The following CFHR2 variants were observed in gnomAD, a reference collection of about 807,000 sequenced individuals.
CFHR2 encodes complement factor H-related protein 2.
CFHR2 carries 22 observed loss-of-function variants against 21.7 expected under a neutral mutation model. The observed-to-expected ratio is 1.01, with a 90% CI of 0.72 to 1.45. The LOEUF is 1.45. CFHR2 is among the 40% of genes most tolerant of loss of function. The probability of loss-of-function intolerance (pLI) is 0.00; values close to 1 mark genes in which losing one functional copy is unlikely to be tolerated. For synonymous variants in CFHR2, 98 were observed against 97.4 expected (o/e 1.01, Z -0.04); for missense variants, 294 against 293.3 (o/e 1.00, Z -0.02).
intron 3 of CFHR2, among the ~76,000 whole-genome samples, chr1:196,954,805 G>C (rs1490243462): frequency 6.6e-6 from 1 of 152,208 alleles, no homozygotes; most frequent in Non-Finnish European, 1.5e-5. Flanking sequence ...ATTTAGCCAC[G>C]GCTGGAGCTG....
intron 3 of CFHR2, among the ~76,000 whole-genome samples, chr1:196,951,866 A>G (rs2125009221): frequency 6.6e-6 from 1 of 152,278 alleles, no homozygotes; most frequent in African/African-American, 2.4e-5. Flanking sequence ...AAGGCCTGTC[A>G]GCAAACAGAT....
chr1:196,952,990 C>A (rs146282373), intron 3 of CFHR2, among the ~76,000 whole-genome samples: 4 of 152,104 alleles, frequency 2.6e-5, no homozygotes. Context: ...AAGAATTTAG[C>A]GGAACACTCT....
At chr1:196,958,205 T>C in intron 4 of CFHR2, 132 bp downstream of exon 4, 1 of 736,364 alleles carries the variant, frequency 1.4e-6, no homozygotes, top group Non-Finnish European at 2.0e-6. Flanking sequence ...CAAATGTCTA[T>C]ATGATAGAAT....
Position 196,958,962 on chromosome 1 carries a change from G to A in CFHR2, c.695G>A (p.Arg232Lys). Reference protein sequence around the residue: ...KWTNQQKLYSRTGDIVEFVCK... With the variant: ...KWTNQQKLYSKTGDIVEFVCK... ...ACAAACCAACAAAAGCTTTATTCAA[G>A]AACAGGTGACATAGTTGAATTTGTT... Residue 232 changes from arginine to lysine, a missense_variant, in exon 5 of 5, where the codon AGA (arginine) becomes AAA (lysine). Arg to Lys is a conservative substitution (Grantham distance 26). Coordinates refer to ENST00000367415, the MANE Select transcript of CFHR2 (RefSeq NM_005666.4). 1 of 1,608,400 alleles carries A rather than the reference G, an allele frequency of 6.2e-7. No individual in the cohort carries two copies. The highest frequency in any genetic ancestry group is 1.7e-5 in the Admixed American group (1 of 59,832).
In CFHR2 at chr1:196,959,503, T is replaced by A. The variant is rs1231093985; in HGVS notation, c.*423T>A. On this transcript the variant is annotated 3_prime_UTR_variant, in exon 5 of 5. Coordinates refer to ENST00000367415, the MANE Select transcript of CFHR2 (RefSeq NM_005666.4). ...GTATATTACTGGTAACTGAAGGAAT[T>A]ATATCTAGACGTTACCCCAGGTATC... Among the ~76,000 whole-genome samples, 1 of 152,024 alleles carries A rather than the reference T, an allele frequency of 6.6e-6. No homozygotes were observed. Among genetic ancestry groups the A allele is most frequent in the Non-Finnish European group, 1.5e-5 (1 of 67,928 alleles).
intron 3 of CFHR2, 72 bp from the exon 4 acceptor site, chr1:196,957,819 T>A (rs1652951005): frequency 7.4e-7 from 1 of 1,360,156 alleles, no homozygotes; most frequent in African/African-American, 1.4e-5. Flanking sequence ...ATAAAGTGCC[T>A]TGTTTGCATT....
At chr1:196,954,700 C>T (rs1044141406) in intron 3 of CFHR2, among the ~76,000 whole-genome samples, 4 of 152,182 alleles carry the variant, frequency 2.6e-5, no homozygotes, top group African/African-American at 9.7e-5. Context: ...CAAATCTTGT[C>T]TTCTGTGCAC....
chr1:196,949,149 C>T (rs1659628892), intron 1 of CFHR2, among the ~76,000 whole-genome samples: 1 of 152,198 alleles, frequency 6.6e-6, no homozygotes, highest in Non-Finnish European at 1.5e-5. Context: ...GCTAGTCTTA[C>T]ACTCTGCCTT....
chr1:196,950,311 G>A (rs1452803761), intron 2 of CFHR2, among the ~76,000 whole-genome samples: 1 of 152,040 alleles, frequency 6.6e-6, no homozygotes, highest in East Asian at 1.9e-4. Flanking sequence ...AAAAAACATA[G>A]AGTAACAACA....
intron 1 of CFHR2, among the ~76,000 whole-genome samples, chr1:196,948,184 C>T (rs2125004746): frequency 6.6e-6 from 1 of 152,132 alleles, no homozygotes; most frequent in South Asian, 2.1e-4. Context: ...CCAGTAGATA[C>T]CAAAATCCAA....
At chr1:196,954,574 G>T (rs1252501433) in intron 3 of CFHR2, among the ~76,000 whole-genome samples, 1 of 152,102 alleles carries the variant, frequency 6.6e-6, no homozygotes, top group Non-Finnish European at 1.5e-5. Context: ...CCTAGCAGAG[G>T]TTCTCCATGA....
At chr1:196,948,006 T>C (rs72736416) in intron 1 of CFHR2, among the ~76,000 whole-genome samples, 7,696 of 152,180 alleles carry the variant, frequency 0.051, 265 homozygotes, top group Non-Finnish European at 0.081. Flanking sequence ...TATGTGTGTA[T>C]ATATATGAAT....
chr1:196,946,606 C>G (rs941461819), intron 1 of CFHR2, among the ~76,000 whole-genome samples: 3 of 152,146 alleles, frequency 2.0e-5, no homozygotes, highest in African/African-American at 7.2e-5. Flanking sequence ...ATATTAACCT[C>G]AGCCTACAAA....
Position 196,950,846 on chromosome 1 carries a change from C to G in CFHR2, c.254-6C>G, listed in dbSNP as rs370956552. 794 of 1,612,652 alleles carry G rather than the reference C, an allele frequency of 4.9e-4. 2 individuals are homozygous for G. The highest frequency in any genetic ancestry group is 6.5e-4 in the Non-Finnish European group (770 of 1,179,786). ...TCTTGTCTATTAATCTGTTTTTGGT[C>G]TTTAGGACTGTGTTTCTTTCCTTTT... On this transcript the variant is annotated splice_polypyrimidine_tract_variant and splice_region_variant and intron_variant, in intron 2 of 4. Transcript: ENST00000367415.
At chr1:196,947,070 G>C (rs1436711914) in intron 1 of CFHR2, among the ~76,000 whole-genome samples, 4 of 152,034 alleles carry the variant, frequency 2.6e-5, no homozygotes, top group African/African-American at 4.8e-5. Context: ...TCACATGAGC[G>C]ATCAGTCATT....
chr1:196,952,682 C>T (rs899655048), intron 3 of CFHR2, among the ~76,000 whole-genome samples: 2 of 152,166 alleles, frequency 1.3e-5, no homozygotes, highest in African/African-American at 2.4e-5. Context: ...TGCTTTGTGA[C>T]ACAAAAAATA....
At chr1:196,951,674 A>G (rs1020747603) in intron 3 of CFHR2, among the ~76,000 whole-genome samples, 1 of 152,078 alleles carries the variant, frequency 6.6e-6, no homozygotes, top group African/African-American at 2.4e-5. Context: ...TCTGTATTCA[A>G]CTAAAAACAA....
intron 4 of CFHR2, 43 bp from the exon 5 acceptor site, chr1:196,958,838 G>T: frequency 7.9e-7 from 1 of 1,271,730 alleles, no homozygotes; most frequent in Non-Finnish European, 1.1e-6. Context: ...ATGAAGATTT[G>T]CATACTACTT....
In CFHR2 at chr1:196,958,906, TATGGAAAAATATA is replaced by T; in HGVS notation, c.641_653del (p.Met214ThrfsTer2). ...ATCCATGTGTAATATCACAAGAAATTATGGAAAAATATAACATAAAATTAAAGTGGACAAACCA... is the reference window on the plus strand; with the variant it reads ...ATCCATGTGTAATATCACAAGAAATTACATAAAATTAAAGTGGACAAACCA... On this transcript the variant is annotated frameshift_variant, in exon 5 of 5. Transcript: ENST00000367415. LOFTEE classifies it low-confidence loss of function (END_TRUNC). 1 of 1,589,382 alleles carries T rather than the reference TATGGAAAAATATA, an allele frequency of 6.3e-7. No homozygotes were observed.
Sources: gnomAD v4.1 joint callset for allele counts (sites outside exome capture counted in the v4.1 genomes callset) on GRCh38, gnomAD v4.1.1 for gene constraint, MANE v1.5 for transcripts, NCBI Gene and HGNC (gene_info 2026-07-23, HGNC 2026-07-21) for gene names.